NAV3: variants seen among roughly 807,000 people sequenced by gnomAD.
NAV3 encodes pore membrane and/or filament interacting like protein 1.
Under a neutral mutation model 244.7 loss-of-function variants are expected in NAV3, and 87 were observed. That is an observed-to-expected ratio of 0.36 (90% CI 0.30 to 0.42). The LOEUF is 0.42. Among genes scored for constraint, NAV3 ranks in the 20% least tolerant of loss-of-function variants. NAV3 has a pLI of 1.00. For synonymous variants in NAV3, 1,126 were observed against 1,042.2 expected (o/e 1.08, Z -1.55); for missense variants, 2,663 against 2,893.3 (o/e 0.92, Z 1.83).
intron 2 of NAV3, among the ~76,000 whole-genome samples, chr12:77,797,838 CA>C (rs569049474): frequency 8.7e-4 from 118 of 136,292 alleles, no homozygotes; most frequent in Middle Eastern, 4.0e-3. Context: ...GGCTCTGTCT[CA>C]AAAAAAAAAA....
chr12:78,006,379 T>C, intron 7 of NAV3, 40 bp from the exon 8 acceptor site: 1 of 1,560,876 alleles, frequency 6.4e-7, no homozygotes, highest in Non-Finnish European at 8.7e-7. Flanking sequence ...TGATCAAGAT[T>C]AATCGCCTTT....
At chr12:77,833,829 T>C (rs1219801777) in intron 1 of NAV3, among the ~76,000 whole-genome samples, 1 of 152,026 alleles carries the variant, frequency 6.6e-6, no homozygotes, top group Non-Finnish European at 1.5e-5. Flanking sequence ...TCCTCTGGAG[T>C]TGGGCCGCCC....
intron 11 of NAV3, among the ~76,000 whole-genome samples, chr12:78,051,527 G>T (rs1882763927): frequency 6.6e-6 from 1 of 151,976 alleles, no homozygotes; most frequent in South Asian, 2.1e-4. Context: ...GAAGCTGCCT[G>T]TAACTGCTTT....
intron 12 of NAV3, among the ~76,000 whole-genome samples, chr12:78,105,520 T>C (rs769559062): frequency 3.3e-5 from 5 of 152,088 alleles, no homozygotes; most frequent in Non-Finnish European, 7.4e-5. Flanking sequence ...TTTCGTTATA[T>C]GCTTGGGATA....
chr12:77,933,457 AT>A (rs1889019976), intron 1 of NAV3, among the ~76,000 whole-genome samples: 1 of 152,216 alleles, frequency 6.6e-6, no homozygotes, highest in Admixed American at 6.5e-5. Context: ...TTACTTTATA[AT>A]TTACTTGCCT....
intron 2 of NAV3, among the ~76,000 whole-genome samples, chr12:77,714,470 T>A (rs1876269982): frequency 1.3e-5 from 2 of 152,118 alleles, no homozygotes; most frequent in African/African-American, 4.8e-5. Flanking sequence ...CTACAGCCCA[T>A]CAAATCTTTT....
intron 2 of NAV3, among the ~76,000 whole-genome samples, chr12:77,630,230 G>A (rs75099645): frequency 0.12 from 18,083 of 151,998 alleles, 1,969 homozygotes; most frequent in African/African-American, 0.29. Context: ...AATTCCTCTC[G>A]TTGGTGGTGA....
intron 5 of NAV3, among the ~76,000 whole-genome samples, chr12:77,973,459 G>A (rs1893174667): frequency 6.6e-6 from 1 of 152,110 alleles, no homozygotes; most frequent in African/African-American, 2.4e-5. Flanking sequence ...AATCAAGAAT[G>A]TGTCCACTTT....
Position 78,092,460 on chromosome 12 carries a change from C to A in NAV3, c.2637-24312C>A, listed in dbSNP as rs571897445. 2.8e-4 allele frequency among the ~76,000 whole-genome samples: 39 copies of A among 139,592 alleles called. No individual in the cohort carries two copies. In the South Asian group the frequency reaches 9.3e-3, roughly 33 times the overall value. 91.6% of individuals were successfully genotyped at this position (139,592 alleles called of 152,430 possible). A position where few individuals can be genotyped will look rare whatever the true frequency, so the allele number is the denominator to read the frequency against. Reference sequence around the variant, plus strand: ...ATTTTTCTAATACCAGAAAGAAACTCATTTCACCCTTTGAAAGCGTTAGTT... The same window carrying A: ...ATTTTTCTAATACCAGAAAGAAACTAATTTCACCCTTTGAAAGCGTTAGTT... On this transcript the variant is annotated intron_variant, in intron 12 of 39. Transcript: ENST00000397909.
At chr12:77,617,361 T>C (rs1871181566) in intron 2 of NAV3, among the ~76,000 whole-genome samples, 2 of 152,282 alleles carry the variant, frequency 1.3e-5, no homozygotes, top group South Asian at 4.1e-4. Flanking sequence ...GAATGTGACT[T>C]CAGGGATGGT....
intron 2 of NAV3, among the ~76,000 whole-genome samples, chr12:77,667,919 G>C (rs1431580434): frequency 1.3e-5 from 2 of 152,126 alleles, no homozygotes; most frequent in African/African-American, 2.4e-5. Flanking sequence ...ACCTCCACCA[G>C]AGCAGGTGCT....
At chr12:77,611,267 G>C (rs1012718825) in intron 2 of NAV3, among the ~76,000 whole-genome samples, 2 of 151,744 alleles carry the variant, frequency 1.3e-5, no homozygotes, top group African/African-American at 4.8e-5. Context: ...TATTTTACTG[G>C]ACCATTTTGT....
chr12:77,854,013 G>T (rs916009392), intron 1 of NAV3, among the ~76,000 whole-genome samples: 1 of 152,132 alleles, frequency 6.6e-6, no homozygotes, highest in Non-Finnish European at 1.5e-5. Flanking sequence ...CATTTTTAGA[G>T]CTCATAGTCA....
At chr12:78,069,594 G>C (rs1013277476) in intron 12 of NAV3, among the ~76,000 whole-genome samples, 1 of 151,804 alleles carries the variant, frequency 6.6e-6, no homozygotes, top group Non-Finnish European at 1.5e-5. Flanking sequence ...ATGTCCTTCT[G>C]TTATGTGGAA....
At chr12:77,641,710 T>C (rs1300054300) in intron 2 of NAV3, among the ~76,000 whole-genome samples, 3 of 152,122 alleles carry the variant, frequency 2.0e-5, no homozygotes, top group Non-Finnish European at 4.4e-5. Context: ...TTTTCCATTA[T>C]ACATACACCT....
At chr12:77,574,637 G>C (rs763227835) in intron 2 of NAV3, among the ~76,000 whole-genome samples, 1 of 152,048 alleles carries the variant, frequency 6.6e-6, no homozygotes. Flanking sequence ...TCTTCTCATG[G>C]TGTTTGGCAT....
At chr12:77,834,557 G>A (rs145980727) in intron 1 of NAV3, among the ~76,000 whole-genome samples, 1,751 of 152,322 alleles carry the variant, frequency 0.011, 23 homozygotes, top group South Asian at 0.02. Flanking sequence ...GAGAGACACT[G>A]TCTCTGCTGA....
intron 2 of NAV3, among the ~76,000 whole-genome samples, chr12:77,754,945 C>T (rs1869055524): frequency 6.6e-6 from 1 of 152,014 alleles, no homozygotes; most frequent in Non-Finnish European, 1.5e-5. Flanking sequence ...TAATTGCTGG[C>T]AAGAATAGAA....
intron 2 of NAV3, among the ~76,000 whole-genome samples, chr12:77,736,104 T>C (rs533407796): frequency 6.6e-6 from 1 of 152,256 alleles, no homozygotes; most frequent in Non-Finnish European, 1.5e-5. Context: ...TTACACACTT[T>C]GTGAGATATA....
Sources: allele counts gnomAD v4.1 joint callset (sites outside exome capture counted in the v4.1 genomes callset), GRCh38; gene constraint gnomAD v4.1.1; transcripts MANE v1.5; gene names NCBI Gene and HGNC (gene_info 2026-07-23, HGNC 2026-07-21).